Variants in ZSCAN5A observed in about 807,000 individuals in gnomAD.
The protein encoded by ZSCAN5A is zinc finger and SCAN domain-containing protein 5A.
In ZSCAN5A, 12 loss-of-function variants were observed where a neutral mutation model predicts 23.7. The ratio of observed to expected loss-of-function variants is 0.51; its 90% CI spans 0.32 to 0.82. The LOEUF (loss-of-function observed/expected upper bound fraction) is 0.82. Among genes scored for constraint, ZSCAN5A ranks in the 40% least tolerant of loss-of-function variants. The probability of loss-of-function intolerance (pLI) is 0.03; values close to 1 mark genes in which losing one functional copy is unlikely to be tolerated. For missense variants in ZSCAN5A, 597 were observed against 617.9 expected, an observed-to-expected ratio of 0.97 and a Z score of 0.36; for synonymous variants, 257 against 239.9, an observed-to-expected ratio of 1.07 and a Z score of -0.66.
At chr19:56,356,786 T>C (rs2041703107) in intron 2 of ZSCAN5A, among the ~76,000 whole-genome samples, 1 of 148,480 alleles carries the variant, frequency 6.7e-6, no homozygotes, top group Non-Finnish European at 1.5e-5. Context: ...AAAGAGTCGG[T>C]AGTGTTTTAC....
At chr19:56,287,904 G>T (rs1433863970) in intron 2 of ZSCAN5A, among the ~76,000 whole-genome samples, 3 of 152,210 alleles carry the variant, frequency 2.0e-5, no homozygotes, top group Non-Finnish European at 2.9e-5. Context: ...AAGCTACAGT[G>T]ACCAGCTCGT....
intron 2 of ZSCAN5A, chr19:56,266,439 C>T (rs1403254867): frequency 4.0e-5 from 6 of 151,830 alleles, no homozygotes; most frequent in Non-Finnish European, 8.8e-5. Context: ...CTTCCTCTCT[C>T]CCCAAAGAAG....
At chr19:56,262,068 C>A (rs2146867831) in intron 2 of ZSCAN5A, among the ~76,000 whole-genome samples, 1 of 152,254 alleles carries the variant, frequency 6.6e-6, no homozygotes, top group South Asian at 2.1e-4. Context: ...GTTGCCCAGG[C>A]TGGAGTGCAA....
At chr19:56,302,470 TCCC>T (rs2040324428) in intron 2 of ZSCAN5A, among the ~76,000 whole-genome samples, 1 of 133,616 alleles carries the variant, frequency 7.5e-6, no homozygotes, top group South Asian at 2.7e-4. Flanking sequence ...GCTTCCTCCC[TCCC>T]TTCTTCCTTC....
intron 2 of ZSCAN5A, among the ~76,000 whole-genome samples, chr19:56,344,151 C>G (rs1313866786): frequency 6.6e-6 from 1 of 152,206 alleles, no homozygotes; most frequent in Admixed American, 6.5e-5. Flanking sequence ...CTTGTTCATT[C>G]CTGGGCATAG....
chr19:56,357,265 T>C (rs2041705503), intron 2 of ZSCAN5A, among the ~76,000 whole-genome samples: 1 of 148,580 alleles, frequency 6.7e-6, no homozygotes. Context: ...ATATCACTGC[T>C]ATTTGGTAAA....
chr19:56,224,544 C>T, intron 3 of ZSCAN5A, 119 bp downstream of exon 3: 1 of 1,271,538 alleles, frequency 7.9e-7, no homozygotes, highest in East Asian at 2.3e-5. Flanking sequence ...CGGGCAAACT[C>T]TCCTCTACTT....
At chr19:56,347,741 T>C (rs2147456178) in intron 2 of ZSCAN5A, 1 of 152,378 alleles carries the variant, frequency 6.6e-6, no homozygotes, top group Middle Eastern at 3.4e-3. Flanking sequence ...CTCCTGATAG[T>C]AGAAGGAAAC....
At chr19:56,327,591 T>C (rs1248162226) in intron 2 of ZSCAN5A, among the ~76,000 whole-genome samples, 2 of 151,262 alleles carry the variant, frequency 1.3e-5, no homozygotes, top group Non-Finnish European at 1.5e-5. Flanking sequence ...ATATCTTATA[T>C]GTATGATATA....
rs553757494 is a variant in ZSCAN5A at position 56,284,481 on chromosome 19, A to G, written c.-128+28802T>C. On this transcript the variant is annotated intron_variant, in intron 2 of 5. Transcript: ENST00000683990. ...TGGGAAACAGAGATAAGTAAACAGA[A>G]ATTAGATTAGAGACAAGTGATGCTT... 2.0e-4 allele frequency among the ~76,000 whole-genome samples: 30 copies of G among 147,842 alleles called. No homozygotes were observed. The East Asian group carries it at 5.7e-3, about 28-fold the overall frequency.
At chr19:56,234,229 G>T (rs1452703382) in intron 2 of ZSCAN5A, among the ~76,000 whole-genome samples, 1 of 152,226 alleles carries the variant, frequency 6.6e-6, no homozygotes, top group Non-Finnish European at 1.5e-5. Flanking sequence ...CACAAAGTGG[G>T]AAGGAAGAAA....
intron 2 of ZSCAN5A, chr19:56,286,352 A>C (rs2147111602): frequency 6.6e-6 from 1 of 152,232 alleles, no homozygotes. Context: ...TGGTGGCCAA[A>C]AAACACTGCC....
At position 56,225,178 on chromosome 19, in the gene ZSCAN5A, G is replaced by GC; in HGVS notation, c.-127-6_-127-5insG. 7.3e-7 allele frequency: 1 copy of GC among 1,375,742 alleles called. No individual in the cohort carries two copies. Among genetic ancestry groups the GC allele is most frequent in the East Asian group, 2.5e-5 (1 of 39,250 alleles). The allele number at this position is 1,375,742 out of a possible 1,614,324, so 85.2% of individuals were successfully genotyped here. ...ATTCACTGTTCATTCAGAAGTCTGG[G>GC]GGGGAAAAGTATGAGCCTCATTAGT... On this transcript the variant is annotated splice_polypyrimidine_tract_variant and splice_region_variant and intron_variant, in intron 2 of 5. Coordinates refer to ENST00000683990, the MANE Select transcript of ZSCAN5A (RefSeq NM_001322064.3).
intron 2 of ZSCAN5A, among the ~76,000 whole-genome samples, chr19:56,326,305 T>TTGTGTG (rs368735639): frequency 0.13 from 19,253 of 145,478 alleles, 1,289 homozygotes; most frequent in South Asian, 0.26. Flanking sequence ...ACAGTTACCA[T>TTGTGTG]TGTGTGTGTG....
upstream of ZSCAN5A, among the ~76,000 whole-genome samples, chr19:56,319,235 C>T (rs1419005943): frequency 1.3e-5 from 2 of 152,020 alleles, no homozygotes; most frequent in Non-Finnish European, 2.9e-5. Context: ...CAGTGGCTCA[C>T]GACTGTAATC....
At chr19:56,283,142 C>T (rs1422696100) in intron 2 of ZSCAN5A, 1 of 152,214 alleles carries the variant, frequency 6.6e-6, no homozygotes, top group Non-Finnish European at 1.5e-5. Context: ...CTTACGGTTG[C>T]AAAACATTTT....
rs538359400 is a variant in ZSCAN5A at position 56,351,218 on chromosome 19, C to T, written c.-358+12017G>A. Among the ~76,000 whole-genome samples the T allele has an allele frequency of 1.8e-4, 28 of 152,188 alleles. No individual in the cohort carries two copies. The South Asian group carries it at 4.8e-3, about 26-fold the overall frequency. ...GCAATCTCTTTTCTAACCAAAAAGG[C>T]GGCTTCAAGGGCCGGGCTGACAAGC... On this transcript the variant is annotated intron_variant, in intron 2 of 6. Transcript: ENST00000587340. This position sits in a 1 kb window ranked among gnomAD's most constrained non-coding sequence, Gnocchi z 4.8.
intron 2 of ZSCAN5A, among the ~76,000 whole-genome samples, chr19:56,273,765 C>T (rs906808214): frequency 3.3e-5 from 5 of 151,998 alleles, no homozygotes; most frequent in African/African-American, 7.3e-5. Context: ...ACAGAACAGA[C>T]GGGGGCATGT....
intron 2 of ZSCAN5A, chr19:56,247,176 G>GT: frequency 4.5e-5 from 27 of 602,670 alleles, no homozygotes; most frequent in South Asian, 1.5e-4. Context: ...GCTTCACGCA[G>GT]CTCTCAGACC....
Sources: gnomAD v4.1 joint callset for allele counts (sites outside exome capture counted in the v4.1 genomes callset) on GRCh38, gnomAD v4.1.1 for gene constraint, Gnocchi (gnomAD v3.1) non-coding constraint, MANE v1.5 for transcripts, NCBI Gene and HGNC (gene_info 2026-07-23, HGNC 2026-07-21) for gene names.